The following UPF2 variants were observed in gnomAD, a reference collection of about 807,000 sequenced individuals.
UPF2 encodes regulator of nonsense transcripts 2.
Under a neutral mutation model 141.4 loss-of-function variants are expected in UPF2, and 17 were observed. That is an observed-to-expected ratio of 0.12 (90% CI 0.08 to 0.18). The LOEUF (loss-of-function observed/expected upper bound fraction) is 0.18, where lower values mean the gene tolerates loss of function less well. UPF2 is among the 10% of genes least tolerant of loss of function. UPF2 has a pLI of 1.00. For missense variants in UPF2, 1,152 were observed against 1,515.9 expected (o/e 0.76, Z 3.99); for synonymous variants, 540 against 498.0 (o/e 1.08, Z -1.12).
At chr10:12,026,673 G>A (rs968313455) in intron 3 of UPF2, 76 of 427,390 alleles carry the variant, frequency 1.8e-4, no homozygotes, top group African/African-American at 1.6e-3. Flanking sequence ...TTTTTAGGAC[G>A]AAGTCTCGCT....
In UPF2 at chr10:12,016,305, C is replaced by A. The variant is rs996660780; in HGVS notation, c.1146-2121G>T. ...TCTCAAACTCCTGGCCTCAAGCAAT[C>A]CTCCCACCTCAAACTCCCAAAATGT... is the stretch of plus-strand genomic sequence containing the variant. On this transcript the variant is annotated intron_variant, in intron 3 of 21. Coordinates refer to ENST00000357604, the MANE Select transcript of UPF2 (RefSeq NM_015542.4). This position sits in a 1 kb window ranked among gnomAD's most constrained non-coding sequence, Gnocchi z 4.1. 5.3e-5 allele frequency among the ~76,000 whole-genome samples: 8 copies of A among 152,108 alleles called. No individual in the cohort carries two copies. Among genetic ancestry groups the A allele is most frequent in the African/African-American group, 1.9e-4 (8 of 41,422 alleles).
intron 9 of UPF2, among the ~76,000 whole-genome samples, chr10:11,970,155 TAA>T: frequency 6.6e-6 from 1 of 152,110 alleles, no homozygotes; most frequent in Non-Finnish European, 1.5e-5. Context: ...CTTGGTAAAG[TAA>T]GGATAATGAT....
chr10:11,933,817 A>G (rs1832810272), intron 19 of UPF2, among the ~76,000 whole-genome samples: 1 of 152,220 alleles, frequency 6.6e-6, no homozygotes, highest in Admixed American at 6.5e-5. Context: ...GAGGAAGGAA[A>G]AAAACTCATT....
chr10:11,955,685 T>C (rs1588535449), intron 13 of UPF2, among the ~76,000 whole-genome samples, 178 bp from the exon 14 acceptor site: 2 of 152,236 alleles, frequency 1.3e-5, no homozygotes, highest in Admixed American at 6.5e-5. Flanking sequence ...CTCTAGGAAA[T>C]GGCTATCTTT....
intron 8 of UPF2, among the ~76,000 whole-genome samples, chr10:11,987,261 G>A (rs1265130717): frequency 2.6e-5 from 4 of 152,128 alleles, no homozygotes; most frequent in South Asian, 2.1e-4. Context: ...AAACCACCAC[G>A]GTACATGTTT....
At position 11,957,445 on chromosome 10, in the gene UPF2, A is replaced by C. The variant is rs143949229; in HGVS notation, c.2371-922T>G. On this transcript the variant is annotated intron_variant, in intron 12 of 21. Coordinates refer to ENST00000357604, the MANE Select transcript of UPF2 (RefSeq NM_015542.4). ...CTCCATCTCAAACAAAAACAAAAAC[A>C]AAAACCCAAGGTTTATGAAAAATAA... is the stretch of plus-strand genomic sequence containing the variant. Among the ~76,000 whole-genome samples, 619 of 151,948 alleles carry C rather than the reference A, an allele frequency of 4.1e-3. 1 individual carries two copies. The highest frequency in any genetic ancestry group is 0.014 in the African/African-American group (597 of 41,410).
intron 14 of UPF2, among the ~76,000 whole-genome samples, chr10:11,954,745 G>A (rs182239953): frequency 1.1e-4 from 17 of 148,938 alleles, no homozygotes; most frequent in Middle Eastern, 3.6e-3. Context: ...GGAGGCTGAC[G>A]CGGGAGGTTT....
intron 10 of UPF2, among the ~76,000 whole-genome samples, chr10:11,966,676 A>T (rs2131205566): frequency 6.6e-6 from 1 of 152,308 alleles, no homozygotes; most frequent in Admixed American, 6.5e-5. Flanking sequence ...CACCTGCCTC[A>T]GCCTCCCAAA....
At chr10:12,041,599 G>C (rs1465668251) in intron 1 of UPF2, among the ~76,000 whole-genome samples, 1 of 152,164 alleles carries the variant, frequency 6.6e-6, no homozygotes, top group Non-Finnish European at 1.5e-5. Context: ...ATCCCAATCA[G>C]AGTGCTCCGA....
At chr10:12,018,762 T>C (rs775258748) in intron 3 of UPF2, among the ~76,000 whole-genome samples, 3 of 152,020 alleles carry the variant, frequency 2.0e-5, no homozygotes, top group East Asian at 1.9e-4. Context: ...AAAAAATAAA[T>C]GAATAAATAA....
chr10:12,021,440 G>A (rs1564369350), intron 3 of UPF2, among the ~76,000 whole-genome samples: 2 of 152,094 alleles, frequency 1.3e-5, no homozygotes, highest in Non-Finnish European at 2.9e-5. Context: ...TTGGGAGGCT[G>A]AGGTGGGAGA....
At position 11,959,911 on chromosome 10, in the gene UPF2, C is replaced by T. The variant is rs1401070741; in HGVS notation, c.2185-555G>A. On this transcript the variant is annotated intron_variant, in intron 11 of 21. Coordinates refer to ENST00000357604, the MANE Select transcript of UPF2 (RefSeq NM_015542.4). This position sits in a 1 kb window ranked among gnomAD's most constrained non-coding sequence, Gnocchi z 5.9. ...GTGCCTACTTAGCCTTACGTTTCAT[C>T]CAATAAAATACTAGAGAACTTTACT... Among the ~76,000 whole-genome samples the T allele has an allele frequency of 6.6e-6, 1 of 152,154 alleles. No homozygotes were observed. The highest frequency in any genetic ancestry group is 1.9e-4 in the East Asian group (1 of 5,202).
chr10:12,027,364 C>T lies in UPF2; in HGVS notation c.1145+1381G>A, dbSNP rs145579158. 1.5e-3 allele frequency among the ~76,000 whole-genome samples: 234 copies of T among 152,298 alleles called. 1 individual carries two copies. Among genetic ancestry groups the T allele is most frequent in the African/African-American group, 5.2e-3 (216 of 41,570 alleles). ...ACACACACATACACCCTCAAAGTAG[C>T]CAAGAACTAATCAATCATTAGCATA... is the stretch of plus-strand genomic sequence containing the variant. On this transcript the variant is annotated intron_variant, in intron 3 of 21. Coordinates refer to ENST00000357604, the MANE Select transcript of UPF2 (RefSeq NM_015542.4).
intron 3 of UPF2, among the ~76,000 whole-genome samples, chr10:12,022,096 C>T (rs1033970675): frequency 1.1e-4 from 17 of 151,188 alleles, no homozygotes; most frequent in Admixed American, 9.2e-4. Context: ...GCCAGGATCG[C>T]GCCACTGCAC....
chr10:11,944,957 T>C (rs1202874584), intron 16 of UPF2, among the ~76,000 whole-genome samples: 1 of 152,234 alleles, frequency 6.6e-6, no homozygotes, highest in African/African-American at 2.4e-5. Flanking sequence ...GGGCAAATTA[T>C]TCAACCTATC....
intron 15 of UPF2, 111 bp downstream of exon 15, chr10:11,951,955 C>G (rs578081616): frequency 1.7e-6 from 2 of 1,182,274 alleles, no homozygotes; most frequent in Admixed American, 3.9e-5. Context: ...CACTCAACAC[C>G]GAAAATAGAA....
chr10:11,938,663 T>C (rs113697219), intron 18 of UPF2, among the ~76,000 whole-genome samples: 330 of 151,988 alleles, frequency 2.2e-3, no homozygotes, highest in African/African-American at 7.6e-3. Flanking sequence ...AACTAGATCA[T>C]TCATCATTTC....
At chr10:11,975,128 G>A (rs1234632113) in intron 9 of UPF2, among the ~76,000 whole-genome samples, 2 of 152,194 alleles carry the variant, frequency 1.3e-5, no homozygotes, top group Admixed American at 6.5e-5. Context: ...AGGCGTGTTG[G>A]CATGCGCCTG....
At position 11,973,285 on chromosome 10, in the gene UPF2, C is replaced by G. The variant is rs549915012; in HGVS notation, c.1953+5772G>C. Among the ~76,000 whole-genome samples, 202 of 152,210 alleles carry G rather than the reference C, an allele frequency of 1.3e-3. 1 individual carries two copies. Among genetic ancestry groups the G allele is most frequent in the African/African-American group, 4.7e-3 (195 of 41,540 alleles). On this transcript the variant is annotated intron_variant, in intron 9 of 21. Transcript: ENST00000357604. ...GTTCTTTGTAGATTCTGGATATTAG[C>G]CCTTTGTCAGATGGGTAGATTGTAA...
Sources: allele counts gnomAD v4.1 joint callset (sites outside exome capture counted in the v4.1 genomes callset), GRCh38; gene constraint gnomAD v4.1.1; non-coding constraint Gnocchi (gnomAD v3.1); transcripts MANE v1.5; gene names NCBI Gene and HGNC (gene_info 2026-07-23, HGNC 2026-07-21).